SOX6: variants seen among roughly 807,000 people sequenced by gnomAD.
SOX6 encodes SRY-box transcription factor 6, also known as transcription factor SOX-6.
SOX6 carries 11 observed loss-of-function variants against 97.8 expected under a neutral mutation model. That is an observed-to-expected ratio of 0.11 (90% CI 0.07 to 0.19). The LOEUF (loss-of-function observed/expected upper bound fraction) is 0.19, where lower values mean the gene tolerates loss of function less well. Among genes scored for constraint, SOX6 ranks in the 10% least tolerant of loss-of-function variants. The pLI, the probability that SOX6 is intolerant of heterozygous loss-of-function variation, is 1.00. For missense variants in SOX6, 810 were observed against 1,039.5 expected (o/e 0.78, Z 3.04); for synonymous variants, 360 against 371.4 (o/e 0.97, Z 0.35).
At chr11:16,432,797 G>A (rs968600532) in intron 1 of SOX6, among the ~76,000 whole-genome samples, 27 of 151,984 alleles carry the variant, frequency 1.8e-4, no homozygotes, top group Non-Finnish European at 3.5e-4. Flanking sequence ...ATCATAGAAG[G>A]AGAAATGCTG....
chr11:16,279,486 T>C (rs1249397972), intron 3 of SOX6, among the ~76,000 whole-genome samples: 1 of 152,104 alleles, frequency 6.6e-6, no homozygotes, highest in Non-Finnish European at 1.5e-5. Flanking sequence ...CTATTGTGAC[T>C]ATATTTCTTT....
chr11:16,571,465 G>C (rs1847937129), intron 4 of SOX6, among the ~76,000 whole-genome samples: 1 of 152,082 alleles, frequency 6.6e-6, no homozygotes, highest in Admixed American at 6.6e-5. Flanking sequence ...TGTTGCCCAG[G>C]CTAGAGTGCA....
chr11:16,689,191 C>T (rs1023792998), intron 3 of SOX6, among the ~76,000 whole-genome samples: 4 of 152,192 alleles, frequency 2.6e-5, no homozygotes, highest in African/African-American at 7.2e-5. Flanking sequence ...TGCTACACAA[C>T]TGAAGACCCA....
At chr11:16,419,074 T>C (rs1858978777) in intron 1 of SOX6, among the ~76,000 whole-genome samples, 1 of 152,172 alleles carries the variant, frequency 6.6e-6, no homozygotes, top group African/African-American at 2.4e-5. Context: ...ATGCAAAATT[T>C]CTGCTATTTT....
At chr11:16,254,422 CA>C (rs1846802726) in intron 3 of SOX6, among the ~76,000 whole-genome samples, 1 of 151,870 alleles carries the variant, frequency 6.6e-6, no homozygotes, top group Admixed American at 6.6e-5. Context: ...ATAAGAATAT[CA>C]TTTTTCATAT....
At chr11:16,295,067 GA>G (rs776061535) in intron 3 of SOX6, among the ~76,000 whole-genome samples, 2 of 151,938 alleles carry the variant, frequency 1.3e-5, no homozygotes, top group Non-Finnish European at 2.9e-5. Context: ...TAAAAGGTGT[GA>G]ATAATACTGA....
At chr11:16,614,006 G>A (rs187222724) in intron 3 of SOX6, among the ~76,000 whole-genome samples, 16 of 152,330 alleles carry the variant, frequency 1.1e-4, no homozygotes, top group African/African-American at 3.8e-4. Flanking sequence ...GGGCTGACAG[G>A]AGTGAGAGCT....
rs556381800 is a variant in SOX6, at chr11:15,990,187, AT to A, written c.1733-958del. Among the ~76,000 whole-genome samples the A allele has an allele frequency of 1.1e-3, 174 of 152,082 alleles. 3 individuals carry two copies. The highest frequency in any genetic ancestry group is 0.01 in the Admixed American group (159 of 15,272). On this transcript the variant is annotated intron_variant, in intron 13 of 15. Transcript: ENST00000683767. ...TTTCCACTCCTCTCAGGAATACGAGATACCTAAAGTTAATGATTATGCTGTA... is the reference window on the plus strand; with the variant it reads ...TTTCCACTCCTCTCAGGAATACGAGAACCTAAAGTTAATGATTATGCTGTA...
rs570913651 is a variant in SOX6, at chr11:16,060,171, T to A, written c.1102-4270A>T. ...TTTTTGGAAATACATCTATTTTTTTTTAAAAAAGTTGACTATGAATCCTTC... is the reference window on the plus strand; with the variant it reads ...TTTTTGGAAATACATCTATTTTTTTATAAAAAAGTTGACTATGAATCCTTC... On this transcript the variant is annotated intron_variant, in intron 9 of 15. Transcript: ENST00000683767. Among the ~76,000 whole-genome samples, 4 of 152,110 alleles carry A rather than the reference T, an allele frequency of 2.6e-5. No individual in the cohort carries two copies. The South Asian group carries it at 6.2e-4, about 24-fold the overall frequency.
chr11:16,555,193 T>C (rs1328955001), intron 4 of SOX6, among the ~76,000 whole-genome samples: 1 of 151,670 alleles, frequency 6.6e-6, no homozygotes, highest in African/African-American at 2.4e-5. Context: ...ACTTAAAAAA[T>C]TCAACAATAT....
intron 3 of SOX6, among the ~76,000 whole-genome samples, chr11:16,282,082 GA>G (rs1266753834): frequency 1.9e-4 from 29 of 149,184 alleles, no homozygotes; most frequent in Admixed American, 8.0e-4. Context: ...CTAGATGCAA[GA>G]AAAAAAATTA....
intron 3 of SOX6, among the ~76,000 whole-genome samples, chr11:16,286,192 C>T (rs908264748): frequency 1.2e-4 from 19 of 152,034 alleles, no homozygotes; most frequent in Admixed American, 3.3e-4. Flanking sequence ...CCAGGGTCCA[C>T]GGTGATATTC....
chr11:16,155,673 A>T (rs1850579174), intron 6 of SOX6, among the ~76,000 whole-genome samples: 1 of 152,152 alleles, frequency 6.6e-6, no homozygotes, highest in African/African-American at 2.4e-5. Context: ...ACTTAGTGGC[A>T]GTCTAGTGTA....
At chr11:16,193,379 A>T (rs907000640) in intron 4 of SOX6, among the ~76,000 whole-genome samples, 1 of 152,144 alleles carries the variant, frequency 6.6e-6, no homozygotes, top group South Asian at 2.1e-4. Context: ...CTTTAAAAAA[A>T]AAATAAAAAT....
intron 4 of SOX6, among the ~76,000 whole-genome samples, chr11:16,558,612 T>C (rs752847820): frequency 8.6e-5 from 13 of 152,000 alleles, no homozygotes; most frequent in Non-Finnish European, 1.5e-4. Flanking sequence ...TCCAACATTC[T>C]AAATACGAAG....
At chr11:16,061,285 T>C (rs1428909277) in intron 9 of SOX6, among the ~76,000 whole-genome samples, 2 of 133,138 alleles carry the variant, frequency 1.5e-5, no homozygotes, top group Admixed American at 8.2e-5. Flanking sequence ...AAGAAGGCAA[T>C]CCCAGTTACA....
intron 4 of SOX6, among the ~76,000 whole-genome samples, chr11:16,536,128 C>T (rs1013646217): frequency 1.3e-5 from 2 of 152,112 alleles, no homozygotes; most frequent in African/African-American, 4.8e-5. Context: ...TAGTTTTGTT[C>T]ACAGGGCCAG....
intron 4 of SOX6, among the ~76,000 whole-genome samples, chr11:16,495,901 C>G (rs1590223095): frequency 6.6e-6 from 1 of 152,288 alleles, no homozygotes; most frequent in East Asian, 1.9e-4. Flanking sequence ...GTCCCTGTCT[C>G]CAACAAAATA....
chr11:16,058,536 G>A (rs1487864650), intron 9 of SOX6, among the ~76,000 whole-genome samples: 2 of 152,102 alleles, frequency 1.3e-5, no homozygotes, highest in Admixed American at 6.6e-5. Flanking sequence ...TAATGATGCA[G>A]AAAGTCTGCT....
Sources: allele counts gnomAD v4.1 joint callset (sites outside exome capture counted in the v4.1 genomes callset), GRCh38; gene constraint gnomAD v4.1.1; transcripts MANE v1.5; gene names NCBI Gene and HGNC (gene_info 2026-07-23, HGNC 2026-07-21).